CDKAL1: variants seen among roughly 807,000 people sequenced by gnomAD.
CDKAL1 encodes the protein CDKAL1 threonylcarbamoyladenosine tRNA methylthiotransferase, also known as threonylcarbamoyladenosine tRNA methylthiotransferase.
A neutral mutation model predicts 68.2 loss-of-function variants in CDKAL1; 32 were observed. The observed-to-expected ratio is 0.47, with a 90% CI of 0.35 to 0.63. CDKAL1 has a LOEUF of 0.63. Ranked by LOEUF, CDKAL1 falls within the 30% of genes least tolerant of loss-of-function variation. CDKAL1 has a pLI of 0.00. For synonymous variants in CDKAL1, 234 were observed against 244.3 expected (o/e 0.96, Z 0.39); for missense variants, 606 against 696.7 (o/e 0.87, Z 1.47).
chr6:21,125,796 T>C (rs1415393179), intron 13 of CDKAL1, among the ~76,000 whole-genome samples: 1 of 152,244 alleles, frequency 6.6e-6, no homozygotes, highest in Admixed American at 6.5e-5. Flanking sequence ...TGCTGCTTCC[T>C]TCTAGGAGCT....
chr6:20,907,923 C>T (rs1289070560), intron 9 of CDKAL1, among the ~76,000 whole-genome samples: 2 of 152,186 alleles, frequency 1.3e-5, no homozygotes, highest in East Asian at 3.8e-4. Flanking sequence ...GAGCTGGACA[C>T]AGAATGGAGA....
intron 4 of CDKAL1, chr6:20,599,506 G>T: frequency 3.1e-6 from 1 of 327,604 alleles, no homozygotes; most frequent in Non-Finnish European, 6.1e-6. Context: ...GGTGCTTTAT[G>T]CAAATATTAC....
chr6:20,590,056 G>C (rs9368209), intron 4 of CDKAL1, among the ~76,000 whole-genome samples: 34,976 of 152,050 alleles, frequency 0.23, 4,946 homozygotes, highest in East Asian at 0.53. Flanking sequence ...GAATTTAAAT[G>C]AAAATATTTA....
At chr6:20,891,818 C>T (rs1761420622) in intron 9 of CDKAL1, among the ~76,000 whole-genome samples, 1 of 152,168 alleles carries the variant, frequency 6.6e-6, no homozygotes, top group African/African-American at 2.4e-5. Flanking sequence ...CAGGCGTGAG[C>T]CACGGCGCCT....
rs140577955 is a variant in CDKAL1, at chr6:21,047,432, A to G, written c.1056-17616A>G. Among the ~76,000 whole-genome samples the G allele has an allele frequency of 1.3e-3, 204 of 152,348 alleles. 1 individual carries two copies. The Middle Eastern group carries it at 0.014, about 10-fold the overall frequency. ...GCTAACCTCTAGGACGTAAAGGAAA[A>G]TATTGAAATTGGTATTAGTCAAAAC... On this transcript the variant is annotated intron_variant, in intron 11 of 15. Coordinates refer to ENST00000274695, the MANE Select transcript of CDKAL1 (RefSeq NM_017774.3).
intron 4 of CDKAL1, among the ~76,000 whole-genome samples, chr6:20,646,856 G>A (rs561630311): frequency 1.3e-5 from 2 of 152,236 alleles, no homozygotes; most frequent in East Asian, 1.9e-4. Context: ...CAATTCTTCT[G>A]CCTCAGCCTC....
Position 21,109,077 on chromosome 6 carries a change from A to C in CDKAL1, c.1299+614A>C, listed in dbSNP as rs145974619. Among the ~76,000 whole-genome samples the C allele has an allele frequency of 9.4e-3, 1,435 of 152,296 alleles. 13 individuals are homozygous for C. The highest frequency in any genetic ancestry group is 0.012 in the Non-Finnish European group (844 of 68,020). Reference sequence around the variant, plus strand: ...ATTCCTAGACATCTTTTCACTTGTAAGTATTTTACAATATATTTGTAAAAG... The same window carrying C: ...ATTCCTAGACATCTTTTCACTTGTACGTATTTTACAATATATTTGTAAAAG... On this transcript the variant is annotated intron_variant, in intron 13 of 15. Coordinates refer to ENST00000274695, the MANE Select transcript of CDKAL1 (RefSeq NM_017774.3).
intron 8 of CDKAL1, among the ~76,000 whole-genome samples, chr6:20,844,752 C>T (rs535662855): frequency 4.6e-5 from 7 of 151,610 alleles, no homozygotes; most frequent in Non-Finnish European, 8.8e-5. Flanking sequence ...GTGTCTGATG[C>T]TCAGTAAGGG....
chr6:20,960,730 C>T (rs1204611714), intron 10 of CDKAL1, among the ~76,000 whole-genome samples: 1 of 152,160 alleles, frequency 6.6e-6, no homozygotes, highest in East Asian at 1.9e-4. Context: ...GCTGAGCATC[C>T]AGTTTTGGAA....
chr6:20,573,284 G>A (rs1263941961), intron 4 of CDKAL1, among the ~76,000 whole-genome samples: 1 of 152,128 alleles, frequency 6.6e-6, no homozygotes, highest in Non-Finnish European at 1.5e-5. Context: ...ATGTAGTATA[G>A]TGACCATAAT....
intron 4 of CDKAL1, among the ~76,000 whole-genome samples, chr6:20,638,552 T>C (rs1418209051): frequency 6.6e-6 from 1 of 152,114 alleles, no homozygotes; most frequent in South Asian, 2.1e-4. Flanking sequence ...ATTTGGTGTT[T>C]ATATAGGCTC....
At chr6:20,721,725 GTTTT>G (rs145893325) in intron 5 of CDKAL1, among the ~76,000 whole-genome samples, 14 of 67,374 alleles carry the variant, frequency 2.1e-4, no homozygotes, top group African/African-American at 7.8e-4. Context: ...ACCAACTTCT[GTTTT>G]TTTTTTTTTT....
At chr6:20,721,233 T>C (rs965415538) in intron 5 of CDKAL1, among the ~76,000 whole-genome samples, 5 of 152,008 alleles carry the variant, frequency 3.3e-5, no homozygotes, top group African/African-American at 4.8e-5. Flanking sequence ...GTCCTTGAGA[T>C]AGTTTGCTAA....
chr6:20,789,537 T>G (rs1775812180), intron 8 of CDKAL1, among the ~76,000 whole-genome samples: 1 of 152,214 alleles, frequency 6.6e-6, no homozygotes, highest in Non-Finnish European at 1.5e-5. Context: ...TGTATATAAT[T>G]TTCTTAGTTA....
At chr6:21,064,099 A>G (rs9460591) in intron 11 of CDKAL1, among the ~76,000 whole-genome samples, 45,354 of 152,134 alleles carry the variant, frequency 0.3, 6,985 homozygotes, top group South Asian at 0.35. Context: ...AAGAGGAACA[A>G]TGCAAAATTT....
At chr6:21,075,482 GAA>G (rs1206939259) in intron 12 of CDKAL1, among the ~76,000 whole-genome samples, 5 of 150,736 alleles carry the variant, frequency 3.3e-5, no homozygotes, top group African/African-American at 7.3e-5. Flanking sequence ...ATTGCCTACT[GAA>G]AAAAAAGAGT....
intron 13 of CDKAL1, among the ~76,000 whole-genome samples, chr6:21,137,753 T>A (rs1775684272): frequency 6.6e-6 from 1 of 152,238 alleles, no homozygotes; most frequent in South Asian, 2.1e-4. Flanking sequence ...CCAATATAGT[T>A]AATATAACCA....
At chr6:20,982,760 G>A (rs1406096204) in intron 10 of CDKAL1, among the ~76,000 whole-genome samples, 1 of 151,868 alleles carries the variant, frequency 6.6e-6, no homozygotes, top group Non-Finnish European at 1.5e-5. Context: ...AGAGACCACA[G>A]ACTGCCAGAA....
chr6:20,609,215 T>C (rs973975588), intron 4 of CDKAL1, among the ~76,000 whole-genome samples: 2 of 150,702 alleles, frequency 1.3e-5, no homozygotes, highest in Admixed American at 1.3e-4. Context: ...CACCTTTTTA[T>C]TTTCTTCTTC....
Sources: allele counts gnomAD v4.1 joint callset (sites outside exome capture counted in the v4.1 genomes callset), GRCh38; gene constraint gnomAD v4.1.1; transcripts MANE v1.5; gene names NCBI Gene and HGNC (gene_info 2026-07-23, HGNC 2026-07-21).